Variants in GASK1B observed in about 807,000 individuals in gnomAD.
GASK1B encodes the protein golgi associated kinase 1B.
In GASK1B, 34 loss-of-function variants were observed where a neutral mutation model predicts 42.8. The ratio of observed to expected loss-of-function variants is 0.79; its 90% CI spans 0.60 to 1.06. The LOEUF is 1.06. Among genes scored for constraint, GASK1B ranks in the 50% least tolerant of loss-of-function variants. GASK1B has a pLI of 0.00. For missense variants in GASK1B, 686 were observed against 661.0 expected (o/e 1.04, Z -0.42); for synonymous variants, 262 against 259.1 (o/e 1.01, Z -0.11).
At chr4:158,141,501 A>C (rs565853273) in intron 3 of GASK1B, among the ~76,000 whole-genome samples, 3 of 151,768 alleles carry the variant, frequency 2.0e-5, no homozygotes, top group Non-Finnish European at 4.4e-5. Flanking sequence ...AAATTATGTG[A>C]AGTTAGAGAA....
Position 158,171,053 on chromosome 4 carries a change from T to C in GASK1B, c.323A>G (p.Tyr108Cys), listed in dbSNP as rs1579057498. The C allele has an allele frequency of 6.2e-7, 1 of 1,613,410 alleles. No homozygotes were observed. The highest frequency in any genetic ancestry group is 1.1e-5 in the South Asian group (1 of 91,050). Reference protein sequence around the residue: ...NGSTLQPNVVYITLRSKRSKP... With the variant: ...NGSTLQPNVVCITLRSKRSKP... ...GCTGCGCTTGGAGCGTAGGGTAATG[T>C]ACACCACATTGGGCTGCAGAGTGGA... is the stretch of plus-strand genomic sequence containing the variant. The change falls in exon 2 of 5, where the codon TAC (tyrosine) becomes TGC (cysteine). Residue 108 changes from tyrosine to cysteine, a missense_variant. Physicochemically the swap from Tyr to Cys is radical, Grantham distance 194. Transcript: ENST00000585682.
chr4:158,163,445 T>C (rs1029397052), intron 2 of GASK1B, among the ~76,000 whole-genome samples: 3 of 152,074 alleles, frequency 2.0e-5, no homozygotes, highest in African/African-American at 7.2e-5. Context: ...GACAGGCACC[T>C]GTAATCCCAG....
chr4:158,166,469 A>C (rs1732234225), intron 2 of GASK1B, among the ~76,000 whole-genome samples: 1 of 152,232 alleles, frequency 6.6e-6, no homozygotes. Context: ...TTCAAATCAC[A>C]GCATTTGATT....
chr4:158,133,396 C>T (rs1337314249), intron 3 of GASK1B, among the ~76,000 whole-genome samples: 2 of 152,096 alleles, frequency 1.3e-5, no homozygotes, highest in Non-Finnish European at 2.9e-5. Context: ...TGCTACCAAA[C>T]ATTTCTTAAA....
intron 3 of GASK1B, among the ~76,000 whole-genome samples, chr4:158,148,701 A>G (rs988401769): frequency 6.6e-6 from 1 of 152,196 alleles, no homozygotes; most frequent in Non-Finnish European, 1.5e-5. Flanking sequence ...GCATCAAAAA[A>G]GAGAAAGGCC....
At chr4:158,165,294 A>G (rs1233811103) in intron 2 of GASK1B, among the ~76,000 whole-genome samples, 1 of 152,218 alleles carries the variant, frequency 6.6e-6, no homozygotes, top group African/African-American at 2.4e-5. Context: ...ACATGGACAT[A>G]GTCTGCTTTG....
At chr4:158,147,682 C>A (rs1731385901) in intron 3 of GASK1B, among the ~76,000 whole-genome samples, 1 of 150,124 alleles carries the variant, frequency 6.7e-6, no homozygotes, top group Non-Finnish European at 1.5e-5. Context: ...GTAAAAGAAT[C>A]AAGATATGAT....
intron 3 of GASK1B, among the ~76,000 whole-genome samples, chr4:158,135,316 G>A (rs1318166142): frequency 5.4e-4 from 53 of 98,958 alleles, no homozygotes; most frequent in Admixed American, 2.1e-3. Flanking sequence ...GTGAGACTCC[G>A]TCTCAAAAAA....
chr4:158,134,687 G>T (rs1487750144), intron 3 of GASK1B, among the ~76,000 whole-genome samples: 3 of 151,952 alleles, frequency 2.0e-5, no homozygotes, highest in Admixed American at 6.6e-5. Flanking sequence ...TGGTGGTGGT[G>T]GTGGGATATT....
chr4:158,137,153 G>C (rs920443971), intron 3 of GASK1B, among the ~76,000 whole-genome samples: 2 of 152,170 alleles, frequency 1.3e-5, no homozygotes, highest in Non-Finnish European at 2.9e-5. Flanking sequence ...CTTTATGTGG[G>C]TTTAAATTAA....
At chr4:158,160,600 G>A (rs1255041671) in intron 2 of GASK1B, among the ~76,000 whole-genome samples, 3 of 152,096 alleles carry the variant, frequency 2.0e-5, no homozygotes, top group Non-Finnish European at 4.4e-5. Flanking sequence ...CTAATTCTGG[G>A]TATCTATCCA....
chr4:158,139,058 T>C (rs779549456), intron 3 of GASK1B, among the ~76,000 whole-genome samples: 2 of 152,148 alleles, frequency 1.3e-5, no homozygotes, highest in Non-Finnish European at 2.9e-5. Context: ...TAATCCAGAA[T>C]AGTATATATT....
In GASK1B at chr4:158,170,988, T is replaced by C. The variant is rs762457982; in HGVS notation, c.388A>G (p.Arg130Gly). The change falls in exon 2 of 5, where the codon AGG becomes GGG. Residue 130 changes from arginine (R) to glycine (G), a missense_variant. Arg to Gly is a moderately radical substitution (Grantham distance 125). Transcript: ENST00000585682. The stretch of plus-strand genomic sequence containing the variant: ...GCCGATGCCACTGCATGCTTTTTCC[T>C]GCGCTTGGGCTTCACGGTGCCACGG... Reference protein sequence around the residue: ...NIRGTVKPKRRKKHAVASAAP... With the variant: ...NIRGTVKPKRGKKHAVASAAP... The C allele has an allele frequency of 1.2e-5, 20 of 1,614,108 alleles. No homozygotes were observed. The highest frequency in any genetic ancestry group is 3.3e-5 in the Admixed American group (2 of 60,014).
At chr4:158,152,695 T>C (rs951604078) in intron 3 of GASK1B, among the ~76,000 whole-genome samples, 22 of 152,170 alleles carry the variant, frequency 1.4e-4, no homozygotes, top group Admixed American at 3.3e-4. Context: ...GTTTAACATA[T>C]GCAAGCAAGT....
chr4:158,136,638 T>C (rs899160177), intron 3 of GASK1B, among the ~76,000 whole-genome samples: 1 of 152,166 alleles, frequency 6.6e-6, no homozygotes, highest in Admixed American at 6.5e-5. Flanking sequence ...TAAACTTCTG[T>C]TTTTCCACCT....
chr4:158,171,105 C>T lies in GASK1B; in HGVS notation c.271G>A (p.Ala91Thr), dbSNP rs768662667. The change falls in exon 2 of 5, where the codon GCC becomes ACC. Residue 91 changes from alanine to threonine, a missense_variant. By Grantham distance (58) the Ala-to-Thr change is moderately conservative. Transcript: ENST00000585682. ...CCATTGCCCTGGGACTCTGGAGGGG[C>T]CAGGGTACCATCCAGGGGTATCTCA... ...FPEIPLDGTL[A>T]PPESQGNGST... The T allele has an allele frequency of 2.5e-6, 4 of 1,609,440 alleles. No homozygotes were observed. The African/African-American group carries it at 4.0e-5, about 16-fold the overall frequency.
chr4:158,159,148 A>G (rs984253594), intron 2 of GASK1B, among the ~76,000 whole-genome samples: 1 of 152,146 alleles, frequency 6.6e-6, no homozygotes, highest in Non-Finnish European at 1.5e-5. Flanking sequence ...TCAGCAAAAT[A>G]TTTTGAATGC....
chr4:158,170,142 C>T (rs1466969171), intron 2 of GASK1B: 1 of 1,283,580 alleles, frequency 7.8e-7, no homozygotes, highest in East Asian at 2.4e-5. Context: ...GCCTAGCTTC[C>T]TCTCCTCATC....
At chr4:158,145,124 A>G (rs575544889) in intron 3 of GASK1B, among the ~76,000 whole-genome samples, 6 of 152,226 alleles carry the variant, frequency 3.9e-5, no homozygotes, top group Admixed American at 6.5e-5. Flanking sequence ...GCAGAAACAA[A>G]GATCTTTCCA....
Sources: gnomAD v4.1 joint callset for allele counts (sites outside exome capture counted in the v4.1 genomes callset) on GRCh38, gnomAD v4.1.1 for gene constraint, MANE v1.5 for transcripts, NCBI Gene and HGNC (gene_info 2026-07-23, HGNC 2026-07-21) for gene names.